The following EPB41L4A variants were observed in gnomAD, a reference collection of about 807,000 sequenced individuals.
The protein encoded by EPB41L4A is erythrocyte membrane protein band 4.1 like 4A.
EPB41L4A carries 100 observed loss-of-function variants against 108.6 expected under a neutral mutation model. The observed-to-expected ratio is 0.92, with a 90% CI of 0.78 to 1.09. EPB41L4A has a LOEUF of 1.09. Among genes scored for constraint, EPB41L4A ranks in the 50% least tolerant of loss-of-function variants. EPB41L4A has a pLI of 0.00. For missense variants in EPB41L4A, 1,030 were observed against 842.7 expected, an observed-to-expected ratio of 1.22 and a Z score of -2.75; for synonymous variants, 319 against 289.0, an observed-to-expected ratio of 1.10 and a Z score of -1.05.
At position 112,154,520 on chromosome 5, in the gene EPB41L4A, T is replaced by C. The variant is rs149117564; in HGVS notation, n.994+3881A>G. Among the ~76,000 whole-genome samples, 756 of 152,326 alleles carry C rather than the reference T, an allele frequency of 5.0e-3. 11 individuals are homozygous for C. The highest frequency in any genetic ancestry group is 0.018 in the African/African-American group (736 of 41,566). On this transcript the variant is annotated intron_variant and non_coding_transcript_variant, in intron 12 of 13. Coordinates refer to the EPB41L4A transcript ENST00000507810. ...AAAGAGATAGTTTTTTCTTCAATAC[T>C]CTTTTTACATATAATTTACATGACT...
intron 1 of EPB41L4A, among the ~76,000 whole-genome samples, chr5:112,318,825 TCCTA>T (rs1244433513): frequency 6.6e-6 from 1 of 152,192 alleles, no homozygotes; most frequent in Non-Finnish European, 1.5e-5. Flanking sequence ...ATTCCTGTCT[TCCTA>T]CCTGTTTCAA....
chr5:112,219,767 C>T (rs1359948264), intron 12 of EPB41L4A, among the ~76,000 whole-genome samples: 1 of 152,194 alleles, frequency 6.6e-6, no homozygotes, highest in Non-Finnish European at 1.5e-5. Flanking sequence ...GCAATCTTGG[C>T]TCACTGCAAC....
In EPB41L4A at chr5:112,208,244, C is replaced by CAAAAAAAA. The variant is rs68152475; in HGVS notation, c.1178+1640_1178+1647dup. Among the ~76,000 whole-genome samples, 177 of 84,970 alleles carry CAAAAAAAA rather than the reference C, an allele frequency of 2.1e-3. 3 individuals carry two copies. Among genetic ancestry groups the CAAAAAAAA allele is most frequent in the Admixed American group, 2.8e-3 (18 of 6,422 alleles). 55.7% of individuals were successfully genotyped at this position (84,970 alleles called of 152,430 possible). A position where few individuals can be genotyped will look rare whatever the true frequency, so the allele number is the denominator to read the frequency against. ...CTGGCAACAGAGGGAGACTCCATCT[C>CAAAAAAAA]AAAAAAAAAAAAAAAAAAAGACACA... On this transcript the variant is annotated intron_variant, in intron 13 of 22. Transcript: ENST00000261486.
chr5:112,337,701 A>G (rs546143751), intron 1 of EPB41L4A, among the ~76,000 whole-genome samples: 2 of 152,320 alleles, frequency 1.3e-5, no homozygotes, highest in Admixed American at 6.5e-5. Flanking sequence ...GTTACAATAC[A>G]TAAGAAGTGA....
intron 1 of EPB41L4A, among the ~76,000 whole-genome samples, chr5:112,326,786 G>A (rs1756191904): frequency 1.3e-5 from 2 of 149,704 alleles, no homozygotes; most frequent in Non-Finnish European, 3.0e-5. Flanking sequence ...TCAATCAAAT[G>A]ACTAATAGCC....
intron 1 of EPB41L4A, among the ~76,000 whole-genome samples, chr5:112,309,504 T>C (rs929088777): frequency 6.6e-6 from 1 of 152,186 alleles, no homozygotes; most frequent in East Asian, 1.9e-4. Flanking sequence ...GAAACCTCTA[T>C]ATGGTTGTCT....
intron 7 of EPB41L4A, among the ~76,000 whole-genome samples, chr5:112,260,910 T>C (rs925110914): frequency 6.6e-6 from 1 of 152,240 alleles, no homozygotes; most frequent in Non-Finnish European, 1.5e-5. Context: ...AGGAATGCAC[T>C]GAAGAGTCTA....
At chr5:112,240,516 G>C (rs750285436) in intron 10 of EPB41L4A, among the ~76,000 whole-genome samples, 6 of 151,948 alleles carry the variant, frequency 3.9e-5, no homozygotes, top group African/African-American at 7.3e-5. Flanking sequence ...GTATCTATGT[G>C]TATAAGTGCC....
At chr5:112,211,839 T>C in intron 12 of EPB41L4A, among the ~76,000 whole-genome samples, 1 of 152,324 alleles carries the variant, frequency 6.6e-6, no homozygotes, top group Non-Finnish European at 1.5e-5. Context: ...TCTAAGGCAT[T>C]TGACATGGGA....
intron 12 of EPB41L4A, among the ~76,000 whole-genome samples, chr5:112,233,093 A>C (rs1749070807): frequency 6.6e-6 from 1 of 152,194 alleles, no homozygotes; most frequent in African/African-American, 2.4e-5. Context: ...AGAATGAATA[A>C]ATTGTCAAAC....
At chr5:112,161,453 C>T (rs1487450158), downstream of EPB41L4A, 4 of 512,728 alleles carry the variant, frequency 7.8e-6, no homozygotes, top group Admixed American at 7.8e-5. Context: ...AGTCAGCAAC[C>T]TTATGCCATA....
At chr5:112,212,481 G>T (rs916102871) in intron 12 of EPB41L4A, among the ~76,000 whole-genome samples, 1 of 152,134 alleles carries the variant, frequency 6.6e-6, no homozygotes, top group South Asian at 2.1e-4. Context: ...TTTTAGTAGA[G>T]ACAGGGTTTC....
At chr5:112,336,006 C>T (rs1580708923) in intron 1 of EPB41L4A, among the ~76,000 whole-genome samples, 1 of 152,174 alleles carries the variant, frequency 6.6e-6, no homozygotes, top group East Asian at 1.9e-4. Context: ...CTCACACGCC[C>T]TCAAAGTTGT....
At position 112,247,222 on chromosome 5, in the gene EPB41L4A, A is replaced by G. The variant is rs907850319; in HGVS notation, c.796-6412T>C. Among the ~76,000 whole-genome samples the G allele has an allele frequency of 7.7e-5, 11 of 142,792 alleles. 1 individual carries two copies. In the South Asian group the frequency reaches 1.3e-3, roughly 17 times the overall value. 93.7% of individuals were successfully genotyped at this position (142,792 alleles called of 152,430 possible). Reference sequence around the variant, plus strand: ...TCAATCTCCCTCCCACCACTGTCCAATTACCTTCCCCAGAGGCAATCACTA... The same window carrying G: ...TCAATCTCCCTCCCACCACTGTCCAGTTACCTTCCCCAGAGGCAATCACTA... On this transcript the variant is annotated intron_variant, in intron 9 of 22. Transcript: ENST00000261486.
intron 8 of EPB41L4A, 135 bp downstream of exon 8, chr5:112,259,756 C>G: frequency 1.5e-6 from 1 of 670,206 alleles, no homozygotes. Flanking sequence ...GGAGAAAACT[C>G]ACACCCAATT....
intron 1 of EPB41L4A, among the ~76,000 whole-genome samples, chr5:112,342,870 G>GC (rs1344115217): frequency 2.6e-5 from 4 of 152,300 alleles, no homozygotes; most frequent in African/African-American, 7.2e-5. Context: ...ACACATTTCA[G>GC]CAGTCAATCT....
At chr5:112,273,407 G>A (rs1752405848) in intron 4 of EPB41L4A, among the ~76,000 whole-genome samples, 1 of 152,190 alleles carries the variant, frequency 6.6e-6, no homozygotes, top group Non-Finnish European at 1.5e-5. Context: ...TCCTGTTCAT[G>A]TGTGTGGTGA....
chr5:112,202,514 T>C (rs570905369), intron 15 of EPB41L4A, among the ~76,000 whole-genome samples: 1 of 152,316 alleles, frequency 6.6e-6, no homozygotes, highest in South Asian at 2.1e-4. Flanking sequence ...AGGGTTATTA[T>C]TGGGATTACA....
chr5:112,184,026 T>C lies in EPB41L4A; in HGVS notation c.1612A>G (p.Arg538Gly), dbSNP rs1249311989. 1.2e-6 allele frequency: 2 copies of C among 1,613,968 alleles called. No homozygotes were observed. Among genetic ancestry groups the C allele is most frequent in the South Asian group, 2.2e-5 (2 of 91,076 alleles). Residue 538 changes from arginine to glycine, a missense_variant, in exon 18 of 23, where the codon AGA becomes GGA. Coordinates refer to ENST00000261486, the MANE Select transcript of EPB41L4A (RefSeq NM_022140.5). The stretch of plus-strand genomic sequence containing the variant: ...AAAGAGTCCACATACGAACGAGATC[T>C]GTGTCTGGATCGCCTGTTGTTGGGG... ...ADPNNRRSRH[R>G]SRSRSPDIQA...
Sources: gnomAD v4.1 joint callset for allele counts (sites outside exome capture counted in the v4.1 genomes callset) on GRCh38, gnomAD v4.1.1 for gene constraint, MANE v1.5 for transcripts, NCBI Gene and HGNC (gene_info 2026-07-23, HGNC 2026-07-21) for gene names.